The following USP32 variants were observed in gnomAD, a reference collection of about 807,000 sequenced individuals.
USP32 encodes ubiquitin specific peptidase 32.
A neutral mutation model predicts 204.8 loss-of-function variants in USP32; 59 were observed. That is an observed-to-expected ratio of 0.29 (90% CI 0.23 to 0.36). USP32 has a LOEUF of 0.36. Ranked by LOEUF, USP32 falls within the 10% of genes least tolerant of loss-of-function variation. The pLI, the probability that USP32 is intolerant of heterozygous loss-of-function variation, is 1.00. For synonymous variants in USP32, 517 were observed against 678.4 expected, an observed-to-expected ratio of 0.76 and a Z score of 3.70; for missense variants, 1,160 against 1,946.4, an observed-to-expected ratio of 0.60 and a Z score of 7.60.
intron 12 of USP32, among the ~76,000 whole-genome samples, chr17:60,230,613 T>G (rs2085520268): frequency 6.6e-6 from 1 of 152,234 alleles, no homozygotes; most frequent in Non-Finnish European, 1.5e-5. Context: ...CCAAACAAAC[T>G]AGACTGGTCT....
intron 2 of USP32, among the ~76,000 whole-genome samples, chr17:60,308,207 T>C (rs2087773968): frequency 6.6e-6 from 1 of 152,176 alleles, no homozygotes; most frequent in Non-Finnish European, 1.5e-5. Flanking sequence ...CTTGCGATAA[T>C]GCAGAGGGTC....
rs376352735 is a variant in USP32 at position 60,226,141 on chromosome 17, C to T, written c.1330G>A (p.Glu444Lys). Residue 444 changes from glutamate (E) to lysine (K), a missense_variant, in exon 13 of 34, where the codon GAA becomes AAA. Glu to Lys is a moderately conservative substitution (Grantham distance 56). Coordinates refer to ENST00000300896, the MANE Select transcript of USP32 (RefSeq NM_032582.4). ...GTAAHPMEQV[E>K]DRIGSSLSYV... ...CTGAGGCTGCTTCCAATTCTATCTT[C>T]GACCTGCTCCATAGGATGGGCTGCA... 9.3e-6 allele frequency: 15 copies of T among 1,607,812 alleles called. No homozygotes were observed. Among genetic ancestry groups the T allele is most frequent in the African/African-American group, 2.7e-5 (2 of 74,418 alleles).
chr17:60,241,515 G>C (rs1238388146), intron 11 of USP32, among the ~76,000 whole-genome samples: 1 of 152,088 alleles, frequency 6.6e-6, no homozygotes, highest in Admixed American at 6.5e-5. Context: ...CAACAGAGTT[G>C]AAATGGGCAG....
In USP32 at chr17:60,181,324, C is replaced by T. The variant is rs768712706; in HGVS notation, c.4548G>A (p.Ser1516=). Residue 1516 remains serine (S), a splice_region_variant and synonymous_variant, in exon 32 of 34, where the codon TCG becomes TCA. Transcript: ENST00000300896. ...IKPIYNLYAI[S]CHSGILGGGH... is the part of the protein sequence containing the mutation. Reference sequence around the variant, plus strand: ...GAAAACCATATAATAAACCACTTACCGAAATTGCATATAGATTATAAATAG... The same window carrying T: ...GAAAACCATATAATAAACCACTTACTGAAATTGCATATAGATTATAAATAG... 4.0e-5 allele frequency: 65 copies of T among 1,605,540 alleles called. No homozygotes were observed. Among genetic ancestry groups the T allele is most frequent in the East Asian group, 2.5e-4 (11 of 44,762 alleles).
intron 26 of USP32, among the ~76,000 whole-genome samples, chr17:60,201,240 AT>A: frequency 6.6e-6 from 1 of 152,132 alleles, no homozygotes; most frequent in East Asian, 1.9e-4. Context: ...AAATCCATTC[AT>A]TTTCATTCCT....
At chr17:60,255,081 C>T in intron 10 of USP32, 94 bp downstream of exon 10, 1 of 800,418 alleles carries the variant, frequency 1.2e-6, no homozygotes, top group Non-Finnish European at 1.9e-6. Flanking sequence ...GGTTTTGCAG[C>T]CTAGATACAA....
At chr17:60,323,723 T>TA in intron 2 of USP32, among the ~76,000 whole-genome samples, 1 of 152,334 alleles carries the variant, frequency 6.6e-6, no homozygotes, top group South Asian at 2.1e-4. Context: ...ACTGCTCCTA[T>TA]AAGGCTTTTT....
intron 1 of USP32, among the ~76,000 whole-genome samples, chr17:60,351,990 A>G (rs1358384154): frequency 6.6e-6 from 1 of 152,216 alleles, no homozygotes; most frequent in Non-Finnish European, 1.5e-5. Context: ...CACATATAAA[A>G]GAATAAAGTG....
chr17:60,230,440 T>C (rs2085515237), intron 12 of USP32, among the ~76,000 whole-genome samples: 1 of 152,240 alleles, frequency 6.6e-6, no homozygotes, highest in East Asian at 1.9e-4. Flanking sequence ...CTAGGCTAAA[T>C]TTTATAATAA....
chr17:60,328,847 C>G (rs2088307777), intron 2 of USP32, among the ~76,000 whole-genome samples: 2 of 152,088 alleles, frequency 1.3e-5, no homozygotes, highest in East Asian at 3.9e-4. Context: ...CATGCCAGCA[C>G]CTGGAGCTAC....
At chr17:60,220,645 TC>T (rs1214748908) in intron 15 of USP32, among the ~76,000 whole-genome samples, 1 of 151,138 alleles carries the variant, frequency 6.6e-6, no homozygotes, top group Non-Finnish European at 1.5e-5. Context: ...ACACTGAAAC[TC>T]CTTTTTTTTT....
intron 1 of USP32, among the ~76,000 whole-genome samples, chr17:60,407,234 A>G (rs369948090): frequency 1.6e-4 from 25 of 152,320 alleles, no homozygotes; most frequent in Middle Eastern, 3.4e-3. Flanking sequence ...GGTATGCAAA[A>G]ACCTTCAGAA....
intron 1 of USP32, among the ~76,000 whole-genome samples, chr17:60,386,619 TC>T (rs2089736656): frequency 6.6e-6 from 1 of 152,132 alleles, no homozygotes; most frequent in African/African-American, 2.4e-5. Context: ...TCCTTACACA[TC>T]TTTCTGGAAG....
At chr17:60,340,883 A>G (rs568278930) in intron 2 of USP32, among the ~76,000 whole-genome samples, 2 of 152,068 alleles carry the variant, frequency 1.3e-5, no homozygotes, top group South Asian at 4.2e-4. Context: ...AAAATCTCTC[A>G]CCATTTGCTT....
intron 4 of USP32, among the ~76,000 whole-genome samples, chr17:60,291,550 T>C (rs950082229): frequency 6.7e-6 from 1 of 149,228 alleles, no homozygotes; most frequent in Non-Finnish European, 1.5e-5. Context: ...TGTGTGTGTG[T>C]GTGTGTGTGT....
chr17:60,414,282 G>T (rs2090042574), intron 1 of USP32, among the ~76,000 whole-genome samples: 5 of 151,844 alleles, frequency 3.3e-5, no homozygotes, highest in African/African-American at 1.2e-4. Context: ...AGAATTGCTT[G>T]AACCTGGGAG....
chr17:60,257,388 C>T (rs1255281100), intron 9 of USP32, among the ~76,000 whole-genome samples: 2 of 152,104 alleles, frequency 1.3e-5, no homozygotes, highest in Admixed American at 1.3e-4. Context: ...GCTCATTCTG[C>T]GTAAACTCTA....
chr17:60,266,166 C>T, intron 7 of USP32, 75 bp from the exon 8 acceptor site: 7 of 1,177,916 alleles, frequency 5.9e-6, no homozygotes, highest in Non-Finnish European at 7.4e-6. Context: ...TAGAAGTTGC[C>T]CTTGTATAAT....
chr17:60,359,130 C>T (rs1324369908), intron 1 of USP32, among the ~76,000 whole-genome samples: 3 of 152,284 alleles, frequency 2.0e-5, no homozygotes, highest in African/African-American at 7.2e-5. Context: ...AATGTCCCTC[C>T]TTTATTTTTT....
Sources: allele counts gnomAD v4.1 joint callset (sites outside exome capture counted in the v4.1 genomes callset), GRCh38; gene constraint gnomAD v4.1.1; transcripts MANE v1.5; gene names NCBI Gene and HGNC (gene_info 2026-07-23, HGNC 2026-07-21).